Variants in VIT observed in about 807,000 individuals in gnomAD.
The protein encoded by VIT is vitrin.
VIT carries 99 observed loss-of-function variants against 78.0 expected under a neutral mutation model. The ratio of observed to expected loss-of-function variants is 1.27; its 90% CI spans 1.08 to 1.50. The LOEUF is 1.50. VIT is among the 40% of genes most tolerant of loss of function. The pLI, the probability that VIT is intolerant of heterozygous loss-of-function variation, is 0.00. For synonymous variants in VIT, 374 were observed against 334.3 expected (o/e 1.12, Z -1.29); for missense variants, 1,126 against 875.3 (o/e 1.29, Z -3.61).
At chr2:36,737,329 C>T (rs1006574287) in intron 3 of VIT, among the ~76,000 whole-genome samples, 2 of 152,100 alleles carry the variant, frequency 1.3e-5, no homozygotes, top group Admixed American at 1.3e-4. Flanking sequence ...GATTAGGACC[C>T]ACCAGGCAAC....
Position 36,754,938 on chromosome 2 carries a change from C to T in VIT, c.293C>T (p.Ser98Leu). Residue 98 changes from serine to leucine, a missense_variant, in exon 5 of 16, where the codon TCA becomes TTA. Transcript: ENST00000379242. ...AAVHSGVLDN[S>L]GGKILVRKVA... ...CTTCATAGTGGTGTGCTTGATAATT[C>T]AGGAGGGAAAATACTTGTTCGGAAG... 1 of 1,613,810 alleles carries T rather than the reference C, an allele frequency of 6.2e-7. No homozygotes were observed. The highest frequency in any genetic ancestry group is 8.5e-7 in the Non-Finnish European group (1 of 1,179,934).
chr2:36,787,388 GA>G, intron 12 of VIT, 112 bp downstream of exon 12: 1 of 1,373,172 alleles, frequency 7.3e-7, no homozygotes, highest in Non-Finnish European at 9.7e-7. Flanking sequence ...CTTGAGCACA[GA>G]TTTGTTCTCT....
At chr2:36,765,943 C>G (rs1572500976) in intron 6 of VIT, among the ~76,000 whole-genome samples, 1 of 152,260 alleles carries the variant, frequency 6.6e-6, no homozygotes, top group East Asian at 1.9e-4. Context: ...GGGACAGAAG[C>G]TGGCATGCCC....
chr2:36,717,816 G>A (rs1426239152), intron 2 of VIT, among the ~76,000 whole-genome samples: 2 of 152,180 alleles, frequency 1.3e-5, no homozygotes, highest in Non-Finnish European at 2.9e-5. Flanking sequence ...CGCAATCTGG[G>A]TGGATTAGGA....
At chr2:36,701,528 T>C (rs759741291) in intron 1 of VIT, among the ~76,000 whole-genome samples, 8 of 152,238 alleles carry the variant, frequency 5.3e-5, no homozygotes, top group African/African-American at 9.6e-5. Flanking sequence ...GCTAAACTTC[T>C]GTGTGGACGT....
Position 36,787,109 on chromosome 2 carries a change from A to C in VIT, c.911-20A>C. ...CAGTGAGAGATCATGAGAATAATAG[A>C]GTCTTTTTCCGTTCCGCAGACTGCA... On this transcript the variant is annotated intron_variant, in intron 11 of 15. Coordinates refer to ENST00000379242, the MANE Select transcript of VIT (RefSeq NM_053276.4). The C allele has an allele frequency of 4.3e-6, 7 of 1,613,970 alleles. No homozygotes were observed. Among genetic ancestry groups the C allele is most frequent in the East Asian group, 2.2e-5 (1 of 44,890 alleles).
intron 7 of VIT, among the ~76,000 whole-genome samples, chr2:36,768,234 C>T (rs12464612): frequency 6.6e-6 from 1 of 152,104 alleles, no homozygotes; most frequent in Non-Finnish European, 1.5e-5. Flanking sequence ...GAGTTCAAGA[C>T]CAGCCTGGCC....
At chr2:36,742,901 G>A (rs1667918940) in intron 3 of VIT, among the ~76,000 whole-genome samples, 199 bp from the exon 4 acceptor site, 1 of 152,162 alleles carries the variant, frequency 6.6e-6, no homozygotes, top group African/African-American at 2.4e-5. Flanking sequence ...GCAGGTTAAA[G>A]GCAATGAATG....
intron 6 of VIT, among the ~76,000 whole-genome samples, chr2:36,760,570 A>T (rs2148566005): frequency 6.6e-6 from 1 of 152,324 alleles, no homozygotes; most frequent in African/African-American, 2.4e-5. Flanking sequence ...ACCTGGGCAC[A>T]GAGACGAAGA....
chr2:36,806,709 G>T (rs1164851406), intron 14 of VIT, among the ~76,000 whole-genome samples: 1 of 152,092 alleles, frequency 6.6e-6, no homozygotes, highest in African/African-American at 2.4e-5. Context: ...ACCACGCCCA[G>T]CTAGTTTTTT....
chr2:36,721,130 G>A (rs1268055664), intron 2 of VIT, among the ~76,000 whole-genome samples: 2 of 152,148 alleles, frequency 1.3e-5, no homozygotes, highest in African/African-American at 4.8e-5. Context: ...TGCTAAGAGA[G>A]TAGAGTTAAA....
At position 36,764,235 on chromosome 2, in the gene VIT, G is replaced by T. The variant is rs150827804; in HGVS notation, c.488-2859G>T. 2.4e-3 allele frequency among the ~76,000 whole-genome samples: 363 copies of T among 152,332 alleles called. 3 individuals are homozygous for T. The East Asian group carries it at 0.046, about 19-fold the overall frequency. ...TCATGAATCATTTACAAGTAAAATAGATTGTCAGTTTATGTATGTTTCTTT... is the reference window on the plus strand; with the variant it reads ...TCATGAATCATTTACAAGTAAAATATATTGTCAGTTTATGTATGTTTCTTT... On this transcript the variant is annotated intron_variant, in intron 6 of 15. Transcript: ENST00000379242.
intron 4 of VIT, among the ~76,000 whole-genome samples, chr2:36,753,096 T>C (rs1418480972): frequency 6.6e-6 from 1 of 151,504 alleles, no homozygotes; most frequent in Non-Finnish European, 1.5e-5. Flanking sequence ...CTCAGCAAAC[T>C]AACACAAGAA....
intron 12 of VIT, among the ~76,000 whole-genome samples, chr2:36,795,710 C>A (rs190743788): frequency 6.6e-6 from 1 of 152,246 alleles, no homozygotes; most frequent in African/African-American, 2.4e-5. Context: ...GCCCACTCTG[C>A]CTTCTTGTTT....
At chr2:36,723,300 T>A (rs551259202) in intron 2 of VIT, among the ~76,000 whole-genome samples, 10 of 152,308 alleles carry the variant, frequency 6.6e-5, no homozygotes, top group African/African-American at 2.2e-4. Context: ...TAAATCTTTG[T>A]CTATACCTCT....
At chr2:36,810,109 T>C (rs1406955886) in intron 15 of VIT, among the ~76,000 whole-genome samples, 2 of 150,560 alleles carry the variant, frequency 1.3e-5, no homozygotes, top group Non-Finnish European at 2.9e-5. Context: ...CTGACCAACA[T>C]GCAGAAACCC....
chr2:36,701,646 G>A (rs1374501099), intron 1 of VIT, among the ~76,000 whole-genome samples: 3 of 152,154 alleles, frequency 2.0e-5, no homozygotes, highest in Non-Finnish European at 4.4e-5. Flanking sequence ...TATGCCCTCG[G>A]GGGAACCTTA....
At chr2:36,726,860 A>T (rs1666887024) in intron 2 of VIT, among the ~76,000 whole-genome samples, 1 of 148,116 alleles carries the variant, frequency 6.8e-6, no homozygotes, top group African/African-American at 2.5e-5. Context: ...CTCAGAAGAG[A>T]GGCTGTCTGG....
chr2:36,704,149 G>C (rs28414039), intron 1 of VIT, among the ~76,000 whole-genome samples: 125,015 of 151,858 alleles, frequency 0.82, 52,001 homozygotes, highest in Middle Eastern at 0.92. Context: ...TGGTCTCGAA[G>C]TCCTGACCTC....
Sources: allele counts gnomAD v4.1 joint callset (sites outside exome capture counted in the v4.1 genomes callset), GRCh38; gene constraint gnomAD v4.1.1; transcripts MANE v1.5; gene names NCBI Gene and HGNC (gene_info 2026-07-23, HGNC 2026-07-21).